RALGAPB: variants seen among roughly 807,000 people sequenced by gnomAD.
RALGAPB encodes the protein ral GTPase-activating protein subunit beta.
RALGAPB carries 25 observed loss-of-function variants against 161.1 expected under a neutral mutation model. The ratio of observed to expected loss-of-function variants is 0.16; its 90% CI spans 0.11 to 0.22. RALGAPB has a LOEUF of 0.22. Among genes scored for constraint, RALGAPB ranks in the 10% least tolerant of loss-of-function variants. RALGAPB has a pLI of 1.00. For synonymous variants in RALGAPB, 629 were observed against 626.1 expected, an observed-to-expected ratio of 1.00 and a Z score of -0.07; for missense variants, 1,391 against 1,815.2, an observed-to-expected ratio of 0.77 and a Z score of 4.25.
intron 21 of RALGAPB, 68 bp from the exon 22 acceptor site, chr20:38,553,799 A>C (rs1014473797): frequency 2.2e-6 from 2 of 930,106 alleles, no homozygotes; most frequent in Non-Finnish European, 3.2e-6. Context: ...AAAAAAAAAA[A>C]AACACTTAAG....
intron 6 of RALGAPB, among the ~76,000 whole-genome samples, chr20:38,514,351 G>T (rs1243130651): frequency 6.6e-6 from 1 of 152,200 alleles, no homozygotes; most frequent in Non-Finnish European, 1.5e-5. Context: ...GCCCAGTGGT[G>T]TAAATAGCTG....
intron 16 of RALGAPB, among the ~76,000 whole-genome samples, chr20:38,539,497 T>C (rs1484858757): frequency 6.6e-6 from 1 of 152,206 alleles, no homozygotes. Flanking sequence ...TTTCAGTCTC[T>C]GGGAATGATG....
intron 1 of RALGAPB, among the ~76,000 whole-genome samples, chr20:38,478,761 C>T (rs1170367700): frequency 6.6e-6 from 1 of 152,118 alleles, no homozygotes; most frequent in African/African-American, 2.4e-5. Flanking sequence ...GGATTACAGA[C>T]ATGCGCCACC....
chr20:38,570,958 AAAC>A (rs1449628195), intron 28 of RALGAPB, 111 bp downstream of exon 28: 2 of 700,764 alleles, frequency 2.9e-6, no homozygotes, highest in Non-Finnish European at 2.3e-6. Flanking sequence ...CTAGAAATAA[AAAC>A]AAAAAAGATC....
intron 2 of RALGAPB, among the ~76,000 whole-genome samples, chr20:38,489,454 C>T (rs1378274943): frequency 6.6e-6 from 1 of 152,164 alleles, no homozygotes; most frequent in Non-Finnish European, 1.5e-5. Flanking sequence ...GAAGCTGGCC[C>T]TTTGTTCTTG....
intron 18 of RALGAPB, among the ~76,000 whole-genome samples, chr20:38,542,480 A>G (rs768358108): frequency 5.9e-5 from 9 of 151,856 alleles, no homozygotes; most frequent in Admixed American, 2.0e-4. Context: ...TTTGGCTAAT[A>G]GCTAGAAAAT....
In RALGAPB at chr20:38,532,967, T is replaced by G. The variant is rs181194631; in HGVS notation, c.2245+108T>G. 1.4e-4 allele frequency: 170 copies of G among 1,237,770 alleles called. No individual in the cohort carries two copies. In the African/African-American group the frequency reaches 2.2e-3, roughly 16 times the overall value. 76.7% of individuals were successfully genotyped at this position (1,237,770 alleles called of 1,614,324 possible). A position where few individuals can be genotyped will look rare whatever the true frequency, so the allele number is the denominator to read the frequency against. On this transcript the variant is annotated intron_variant, in intron 15 of 29. Coordinates refer to ENST00000262879, the MANE Select transcript of RALGAPB (RefSeq NM_020336.4). ...TTAATGTTCATGTTTTTTATATACT[T>G]AAGTATAATAGAGAGGATGTCAGTC...
rs1201951031 is a variant in RALGAPB, at chr20:38,567,090, C to G, written c.3818-6C>G. ...TTATAGTTGCTTTTTTTCCTTTACC[C>G]CATAGCTGATTCATTGGAAAGTAAC... On this transcript the variant is annotated splice_region_variant and splice_polypyrimidine_tract_variant and intron_variant, in intron 25 of 29. Coordinates refer to ENST00000262879, the MANE Select transcript of RALGAPB (RefSeq NM_020336.4). 1 of 1,612,016 alleles carries G rather than the reference C, an allele frequency of 6.2e-7. No homozygotes were observed. Among genetic ancestry groups the G allele is most frequent in the South Asian group, 1.1e-5 (1 of 90,712 alleles).
At chr20:38,501,104 G>C (rs1483340941) in intron 5 of RALGAPB, among the ~76,000 whole-genome samples, 1 of 152,188 alleles carries the variant, frequency 6.6e-6, no homozygotes, top group Non-Finnish European at 1.5e-5. Flanking sequence ...GATCATTGAC[G>C]AAGGTGGCCT....
At chr20:38,551,439 T>G (rs1013992899) in intron 21 of RALGAPB, among the ~76,000 whole-genome samples, 4 of 152,172 alleles carry the variant, frequency 2.6e-5, no homozygotes, top group African/African-American at 9.7e-5. Context: ...GCTGCCTGGC[T>G]GTTCGTGGTA....
At chr20:38,501,961 A>G (rs2122968157) in intron 5 of RALGAPB, among the ~76,000 whole-genome samples, 1 of 152,368 alleles carries the variant, frequency 6.6e-6, no homozygotes, top group East Asian at 1.9e-4. Context: ...TAAAATACAC[A>G]CAAATGTATT....
intron 22 of RALGAPB, among the ~76,000 whole-genome samples, chr20:38,555,394 T>A (rs1488429979): frequency 6.6e-6 from 1 of 151,374 alleles, no homozygotes; most frequent in African/African-American, 2.4e-5. Flanking sequence ...TATTTTTGTA[T>A]TTTTTTTGTA....
At chr20:38,521,289 A>G (rs771930381) in intron 9 of RALGAPB, among the ~76,000 whole-genome samples, 7 of 152,216 alleles carry the variant, frequency 4.6e-5, no homozygotes, top group African/African-American at 1.4e-4. Flanking sequence ...TAAACTGACA[A>G]TGCCACTGTA....
chr20:38,569,519 G>C lies in RALGAPB; in HGVS notation c.3955-369G>C, dbSNP rs576827517. 5.3e-5 allele frequency: 9 copies of C among 169,442 alleles called. No homozygotes were observed. In the East Asian group the frequency reaches 1.4e-3, roughly 26 times the overall value. The allele number at this position is 169,442 out of a possible 1,614,324, so 10.5% of individuals were successfully genotyped here. A position where few individuals can be genotyped will look rare whatever the true frequency, so the allele number is the denominator to read the frequency against. ...TTTAGAGATTAGGATCCCCAGACAA[G>C]TAGTGATGTTGCTGTGATGGGGAAG... On this transcript the variant is annotated intron_variant, in intron 26 of 29. Coordinates refer to ENST00000262879, the MANE Select transcript of RALGAPB (RefSeq NM_020336.4).
chr20:38,527,502 T>A (rs76751295), intron 13 of RALGAPB, among the ~76,000 whole-genome samples: 7,138 of 151,982 alleles, frequency 0.047, 238 homozygotes, highest in Non-Finnish European at 0.074. Context: ...ACAAATGGAG[T>A]TTTTTGCTCT....
At chr20:38,535,320 GT>G in intron 16 of RALGAPB, 113 bp downstream of exon 16, 1 of 1,264,662 alleles carries the variant, frequency 7.9e-7, no homozygotes, top group Non-Finnish European at 1.1e-6. Context: ...CTCAAACATA[GT>G]TTATATTATA....
chr20:38,497,587 G>A (rs771277121), intron 4 of RALGAPB, 71 bp downstream of exon 4: 15 of 1,462,974 alleles, frequency 1.0e-5, no homozygotes, highest in East Asian at 2.3e-5. Flanking sequence ...CTCAGTGAGC[G>A]GTAGACTCAT....
intron 1 of RALGAPB, among the ~76,000 whole-genome samples, chr20:38,480,894 C>T (rs939773834): frequency 1.3e-5 from 2 of 151,824 alleles, no homozygotes; most frequent in Non-Finnish European, 2.9e-5. Context: ...TGTGCCACCA[C>T]GCCCGGCTAA....
intron 16 of RALGAPB, among the ~76,000 whole-genome samples, chr20:38,536,906 G>A (rs1203384820): frequency 2.0e-5 from 3 of 152,176 alleles, no homozygotes; most frequent in Non-Finnish European, 4.4e-5. Flanking sequence ...ATAACTTTGC[G>A]AGAAGCAGTT....
Sources: gnomAD v4.1 joint callset for allele counts (sites outside exome capture counted in the v4.1 genomes callset) on GRCh38, gnomAD v4.1.1 for gene constraint, MANE v1.5 for transcripts, NCBI Gene and HGNC (gene_info 2026-07-23, HGNC 2026-07-21) for gene names.